The following FXYD6 variants were observed in gnomAD, a reference collection of about 807,000 sequenced individuals.
FXYD6 encodes FXYD domain-containing ion transport regulator 6.
In FXYD6, 7 loss-of-function variants were observed where a neutral mutation model predicts 16.7. The observed-to-expected ratio is 0.42, with a 90% confidence interval of 0.24 to 0.79. FXYD6 has a LOEUF of 0.79. FXYD6 is among the 30% of genes least tolerant of loss of function. FXYD6 has a pLI of 0.28. For synonymous variants in FXYD6, 49 were observed against 43.0 expected (o/e 1.14, Z -0.54); for missense variants, 111 against 116.2 (o/e 0.95, Z 0.21).
chr11:117,862,341 C>T (rs1485182289), intron 1 of FXYD6, among the ~76,000 whole-genome samples: 2 of 152,172 alleles, frequency 1.3e-5, no homozygotes, highest in African/African-American at 2.4e-5. Context: ...GGTGCCTCCA[C>T]CATGCCCTAG....
chr11:117,841,309 C>T (rs2056337587), intron 4 of FXYD6, 125 bp from the exon 5 acceptor site: 10 of 1,230,338 alleles, frequency 8.1e-6, no homozygotes, highest in Non-Finnish European at 1.1e-5. Context: ...ACAGTTTGCA[C>T]AGCTGCACAC....
intron 1 of FXYD6, among the ~76,000 whole-genome samples, chr11:117,850,915 C>G (rs1471593492): frequency 6.6e-6 from 1 of 151,488 alleles, no homozygotes; most frequent in Non-Finnish European, 1.5e-5. Flanking sequence ...TAAAAAAGAC[C>G]AAAAAAATTC....
chr11:117,844,799 ATAT>A (rs1311102313), intron 1 of FXYD6, among the ~76,000 whole-genome samples: 1 of 152,228 alleles, frequency 6.6e-6, no homozygotes, highest in Non-Finnish European at 1.5e-5. Context: ...CTGAAAATAC[ATAT>A]TTTTAATCAT....
At chr11:117,875,239 TGTGA>T in intron 1 of FXYD6, among the ~76,000 whole-genome samples, 1 of 151,952 alleles carries the variant, frequency 6.6e-6, no homozygotes, top group Non-Finnish European at 1.5e-5. Context: ...GTATGTGTGG[TGTGA>T]GTGTGAGGGT....
intron 1 of FXYD6, among the ~76,000 whole-genome samples, chr11:117,862,018 G>C (rs527807881): frequency 6.6e-6 from 1 of 152,362 alleles, no homozygotes; most frequent in East Asian, 1.9e-4. Flanking sequence ...GAGAGACACA[G>C]AAGCAAGACA....
At chr11:117,843,735 AAGG>A (rs1041217730) in intron 1 of FXYD6, 7 of 152,282 alleles carry the variant, frequency 4.6e-5, no homozygotes, top group African/African-American at 1.7e-4. Flanking sequence ...GATTCTACAA[AAGG>A]AGTTTGAAGG....
rs770687354 is a variant in FXYD6 at position 117,870,141 on chromosome 11, G to T, written c.-6+6451C>A. Reference sequence around the variant, plus strand: ...AGAAGCAGAAACACAGAACAGTACTGCGAGGCCAACTCAGGCACAGGCCAA... The same window carrying T: ...AGAAGCAGAAACACAGAACAGTACTTCGAGGCCAACTCAGGCACAGGCCAA... On this transcript the variant is annotated intron_variant, in intron 1 of 7. Coordinates refer to ENST00000526014, the MANE Select transcript of FXYD6 (RefSeq NM_022003.4). The surrounding 1 kb of genome is among the most constrained non-coding windows in gnomAD (Gnocchi z 4.2). Among the ~76,000 whole-genome samples the T allele has an allele frequency of 2.6e-4, 39 of 152,274 alleles. No homozygotes were observed. The highest frequency in any genetic ancestry group is 1.0e-3 in the Admixed American group (16 of 15,294).
intron 5 of FXYD6, 88 bp from the exon 6 acceptor site, chr11:117,840,456 G>A: frequency 6.4e-7 from 1 of 1,573,156 alleles, no homozygotes; most frequent in Non-Finnish European, 8.7e-7. Flanking sequence ...GGGCACAGCT[G>A]CCTGCAGTCA....
intron 1 of FXYD6, among the ~76,000 whole-genome samples, chr11:117,856,611 G>T (rs545249691): frequency 3.5e-4 from 54 of 152,252 alleles, no homozygotes; most frequent in Middle Eastern, 3.4e-3. Flanking sequence ...TAGTCTAAAT[G>T]GTTACCCTAG....
intron 1 of FXYD6, among the ~76,000 whole-genome samples, chr11:117,869,796 C>T (rs1300316276): frequency 1.3e-5 from 2 of 152,218 alleles, no homozygotes; most frequent in Non-Finnish European, 2.9e-5. Flanking sequence ...TTCTGGAAGT[C>T]TCCCTGGAAA....
chr11:117,839,624 C>T, intron 7 of FXYD6, 157 bp downstream of exon 7: 1 of 772,928 alleles, frequency 1.3e-6, no homozygotes, highest in African/African-American at 1.7e-5. Flanking sequence ...CTCTCACAGC[C>T]CCTTTCAGAC....
chr11:117,841,298 C>A, intron 4 of FXYD6, 114 bp from the exon 5 acceptor site: 1 of 1,356,450 alleles, frequency 7.4e-7, no homozygotes, highest in Non-Finnish European at 1.0e-6. Flanking sequence ...CTGGGCAGTG[C>A]ACAGTTTGCA....
chr11:117,860,701 G>A (rs1256139671), intron 1 of FXYD6, among the ~76,000 whole-genome samples: 6 of 152,198 alleles, frequency 3.9e-5, no homozygotes, highest in Non-Finnish European at 7.3e-5. Flanking sequence ...CCAAGGCTAT[G>A]ATCAAGGTCA....
At chr11:117,869,434 A>C (rs901186858) in intron 1 of FXYD6, among the ~76,000 whole-genome samples, 2 of 152,112 alleles carry the variant, frequency 1.3e-5, no homozygotes, top group Admixed American at 6.5e-5. Flanking sequence ...CTGCCCCTCC[A>C]ACCCTCATTC....
At chr11:117,873,202 A>G (rs2057177907) in intron 1 of FXYD6, among the ~76,000 whole-genome samples, 1 of 152,050 alleles carries the variant, frequency 6.6e-6, no homozygotes, top group Admixed American at 6.5e-5. Flanking sequence ...CAGGGTAACC[A>G]GAGCCCAGCC....
chr11:117,844,272 G>A (rs2056423476), intron 1 of FXYD6: 1 of 152,248 alleles, frequency 6.6e-6, no homozygotes, highest in Admixed American at 6.5e-5. Flanking sequence ...TTTCACACTT[G>A]TATTTCCTTT....
At chr11:117,854,128 C>T (rs767651552) in intron 1 of FXYD6, among the ~76,000 whole-genome samples, 3 of 152,172 alleles carry the variant, frequency 2.0e-5, no homozygotes, top group Non-Finnish European at 4.4e-5. Context: ...TACACCTGCT[C>T]CTTGCTTAGC....
chr11:117,849,073 A>T (rs1324789786), intron 1 of FXYD6, among the ~76,000 whole-genome samples: 1 of 152,162 alleles, frequency 6.6e-6, no homozygotes, highest in South Asian at 2.1e-4. Flanking sequence ...TTATTTTCCA[A>T]TATAAGCATT....
At chr11:117,862,494 T>C (rs2056928842) in intron 1 of FXYD6, among the ~76,000 whole-genome samples, 1 of 152,176 alleles carries the variant, frequency 6.6e-6, no homozygotes, top group Admixed American at 6.5e-5. Context: ...CGCCCTTCCC[T>C]GGCTACAGGG....
Sources: gnomAD v4.1 joint callset for allele counts (sites outside exome capture counted in the v4.1 genomes callset) on GRCh38, gnomAD v4.1.1 for gene constraint, Gnocchi (gnomAD v3.1) non-coding constraint, MANE v1.5 for transcripts, NCBI Gene and HGNC (gene_info 2026-07-23, HGNC 2026-07-21) for gene names.